The following TEX14 variants were observed in gnomAD, a reference collection of about 807,000 sequenced individuals.
The protein encoded by TEX14 is inactive serine/threonine-protein kinase TEX14.
TEX14 carries 168 observed loss-of-function variants against 178.6 expected under a neutral mutation model. The ratio of observed to expected loss-of-function variants is 0.94; its 90% CI spans 0.83 to 1.07. The LOEUF (loss-of-function observed/expected upper bound fraction) is 1.07. Among genes scored for constraint, TEX14 ranks in the 50% least tolerant of loss-of-function variants. TEX14 has a pLI of 0.00. For synonymous variants in TEX14, 626 were observed against 634.1 expected (o/e 0.99, Z 0.19); for missense variants, 1,730 against 1,753.6 (o/e 0.99, Z 0.24).
In TEX14 at chr17:58,601,748, T is replaced by TC. The variant is rs2045452519; in HGVS notation, c.1678+57_1678+58insG. ...AGAGGAGTCAATTAGTTGCAGCTCA[T>TC]GTGACTCTCAGAACACATTTGTGTC... is the stretch of plus-strand genomic sequence containing the variant. On this transcript the variant is annotated intron_variant, in intron 13 of 31. Coordinates refer to ENST00000349033, the MANE Select transcript of TEX14 (RefSeq NM_031272.5). 6.6e-5 allele frequency: 100 copies of TC among 1,509,606 alleles called. 1 individual carries two copies. In the Middle Eastern group the frequency reaches 7.1e-4, roughly 11 times the overall value. 93.5% of individuals were successfully genotyped at this position (1,509,606 alleles called of 1,614,324 possible). A position where few individuals can be genotyped will look rare whatever the true frequency, so the allele number is the denominator to read the frequency against.
intron 6 of TEX14, among the ~76,000 whole-genome samples, chr17:58,616,971 C>T (rs1036584599): frequency 1.3e-5 from 2 of 152,140 alleles, no homozygotes; most frequent in African/African-American, 4.8e-5. Flanking sequence ...GGGAGTAGGG[C>T]TGGGCGAGTT....
At chr17:58,603,101 T>C (rs912014560) in intron 11 of TEX14, among the ~76,000 whole-genome samples, 1 of 150,988 alleles carries the variant, frequency 6.6e-6, no homozygotes, top group African/African-American at 2.4e-5. Context: ...AATTCATAAG[T>C]GAGAAGCCAC....
chr17:58,593,434 A>C (rs2045205503), intron 15 of TEX14, 121 bp downstream of exon 15: 2 of 748,668 alleles, frequency 2.7e-6, no homozygotes, highest in African/African-American at 1.7e-5. Flanking sequence ...AATCTGCATT[A>C]CTCTTCTTCA....
chr17:58,585,618 T>G (rs945533758), intron 18 of TEX14, among the ~76,000 whole-genome samples, 183 bp downstream of exon 18: 1 of 143,474 alleles, frequency 7.0e-6, no homozygotes, highest in Non-Finnish European at 1.5e-5. Flanking sequence ...ATGTTTTTTT[T>G]TTTTTTTTTT....
In TEX14 at chr17:58,585,892, C is replaced by T; in HGVS notation, c.2979G>A (p.Glu993=). 6.2e-7 allele frequency: 1 copy of T among 1,614,004 alleles called. No homozygotes were observed. The highest frequency in any genetic ancestry group is 8.5e-7 in the Non-Finnish European group (1 of 1,179,988). The change falls in exon 18 of 32, where the codon GAG becomes GAA. Residue 993 remains glutamate, a synonymous_variant. Coordinates refer to ENST00000349033, the MANE Select transcript of TEX14 (RefSeq NM_031272.5). ...RVIEYHREND[E]PRGNGKFDKT... ...TGTCAAACTTGCCATTTCCTCTGGG[C>T]TCATCATTTTCCCTATGATACTCAA...
intron 29 of TEX14, among the ~76,000 whole-genome samples, chr17:58,560,502 G>A (rs2044252610): frequency 6.6e-6 from 1 of 152,216 alleles, no homozygotes; most frequent in Non-Finnish European, 1.5e-5. Flanking sequence ...TCAGATAGCT[G>A]TGGCTATTAG....
chr17:58,623,417 A>G (rs2046050540), intron 3 of TEX14, among the ~76,000 whole-genome samples: 1 of 152,204 alleles, frequency 6.6e-6, no homozygotes, highest in Non-Finnish European at 1.5e-5. Context: ...AGGCTAGTCA[A>G]GCACAGCCTA....
chr17:58,631,756 TCG>T (rs911660748), intron 2 of TEX14: 12 of 151,856 alleles, frequency 7.9e-5, no homozygotes, highest in Admixed American at 4.6e-4. Context: ...TATCTCCCTC[TCG>T]CGGTTTCCAG....
At chr17:58,577,728 C>G (rs2044712836) in intron 20 of TEX14, among the ~76,000 whole-genome samples, 1 of 152,166 alleles carries the variant, frequency 6.6e-6, no homozygotes, top group African/African-American at 2.4e-5. Context: ...TCAGTTATAA[C>G]CACAGTTATT....
At chr17:58,677,743 C>T (rs2047418564) in intron 1 of TEX14, 1 of 152,146 alleles carries the variant, frequency 6.6e-6, no homozygotes, top group African/African-American at 2.4e-5. Context: ...AAGTGGAAGG[C>T]ATGGTTGTTG....
intron 1 of TEX14, among the ~76,000 whole-genome samples, chr17:58,674,726 A>G (rs939366740): frequency 6.6e-6 from 1 of 151,958 alleles, no homozygotes; most frequent in East Asian, 1.9e-4. Flanking sequence ...CCTGACCTCC[A>G]ATTAGGGAAT....
At chr17:58,684,355 G>A (rs1598440056) in intron 1 of TEX14, among the ~76,000 whole-genome samples, 1 of 151,846 alleles carries the variant, frequency 6.6e-6, no homozygotes, top group Admixed American at 6.6e-5. Flanking sequence ...CCAGCTATCT[G>A]GGAGGCTGAT....
chr17:58,602,690 C>T (rs2045485455), intron 11 of TEX14, 100 bp from the exon 12 acceptor site: 4 of 824,886 alleles, frequency 4.8e-6, no homozygotes, highest in East Asian at 5.3e-5. Context: ...AGGCAAGTCA[C>T]TTAACTTCTT....
At chr17:58,686,087 G>A (rs532541517) in intron 1 of TEX14, among the ~76,000 whole-genome samples, 46 of 151,182 alleles carry the variant, frequency 3.0e-4, no homozygotes, top group African/African-American at 1.0e-3. Context: ...ATGGTGGCTC[G>A]CACCTGTAAT....
intron 14 of TEX14, 150 bp from the exon 15 acceptor site, chr17:58,593,811 C>A (rs1311464683): frequency 1.5e-6 from 1 of 665,346 alleles, no homozygotes; most frequent in Non-Finnish European, 2.6e-6. Context: ...ATCTGCTAAC[C>A]CATCTCTTAT....
chr17:58,662,083 T>A (rs1236413392), intron 1 of TEX14, among the ~76,000 whole-genome samples: 1 of 151,832 alleles, frequency 6.6e-6, no homozygotes, highest in Non-Finnish European at 1.5e-5. Flanking sequence ...TGTCTATATC[T>A]GTGTATGTAT....
intron 15 of TEX14, among the ~76,000 whole-genome samples, chr17:58,592,384 GAC>G (rs2045169678): frequency 2.0e-5 from 3 of 151,196 alleles, no homozygotes; most frequent in African/African-American, 7.3e-5. Context: ...GCCCAGGCTG[GAC>G]TGCAGTGGCG....
At chr17:58,583,243 C>T (rs1397589224) in intron 19 of TEX14, among the ~76,000 whole-genome samples, 2 of 152,102 alleles carry the variant, frequency 1.3e-5, no homozygotes, top group African/African-American at 4.8e-5. Context: ...AGGTGATCCT[C>T]CCACTTCAGC....
rs117013833 is a variant in TEX14, at chr17:58,632,225, G to A, written c.137-1671C>T. 7.3e-3 allele frequency among the ~76,000 whole-genome samples: 1,117 copies of A among 152,332 alleles called. 5 individuals carry two copies. The highest frequency in any genetic ancestry group is 0.011 in the Admixed American group (174 of 15,300). On this transcript the variant is annotated intron_variant, in intron 2 of 31. Transcript: ENST00000349033. ...AGAATAACCAAAGAGTGAAGGGAAA[G>A]CGATAATTCAAAGCCAAAGATTGTG...
Sources: gnomAD v4.1 joint callset for allele counts (sites outside exome capture counted in the v4.1 genomes callset) on GRCh38, gnomAD v4.1.1 for gene constraint, MANE v1.5 for transcripts, NCBI Gene and HGNC (gene_info 2026-07-23, HGNC 2026-07-21) for gene names.